Variants in MBNL2 observed in about 807,000 individuals in gnomAD.
MBNL2 encodes muscleblind like splicing regulator 2.
MBNL2 carries 17 observed loss-of-function variants against 41.9 expected under a neutral mutation model. The observed-to-expected ratio is 0.41, with a 90% confidence interval of 0.28 to 0.61. The LOEUF is 0.61. MBNL2 is among the 20% of genes least tolerant of loss of function. The pLI is 0.35. For synonymous variants in MBNL2, 195 were observed against 182.9 expected (o/e 1.07, Z -0.53); for missense variants, 336 against 505.6 (o/e 0.66, Z 3.22).
At chr13:97,189,917 T>C in the MBNL2 span, among the ~76,000 whole-genome samples, 1 of 152,242 alleles carries the variant, frequency 6.6e-6, no homozygotes, top group African/African-American at 2.4e-5. Flanking sequence ...ACCTGCTACC[T>C]AGTGCTTTTT....
intron 8 of MBNL2, among the ~76,000 whole-genome samples, chr13:97,384,072 G>T (rs2065727877): frequency 6.6e-6 from 1 of 151,770 alleles, no homozygotes. Context: ...ACTAATTTTT[G>T]TATTTTTAGT....
intron 2 of MBNL2, among the ~76,000 whole-genome samples, chr13:97,294,953 A>G (rs1020602385): frequency 6.6e-6 from 1 of 152,220 alleles, no homozygotes; most frequent in Non-Finnish European, 1.5e-5. Flanking sequence ...AACTATAAAC[A>G]AAACAACAAC....
At chr13:97,347,960 A>C (rs1301174215) in intron 5 of MBNL2, among the ~76,000 whole-genome samples, 2 of 152,154 alleles carry the variant, frequency 1.3e-5, no homozygotes, top group Admixed American at 6.5e-5. Flanking sequence ...GACATTGCTT[A>C]TCAAACTTGG....
At chr13:97,331,947 G>A (rs1353148731) in intron 2 of MBNL2, among the ~76,000 whole-genome samples, 1 of 152,170 alleles carries the variant, frequency 6.6e-6, no homozygotes. Flanking sequence ...TAAGAAAATT[G>A]TATTTTTCCA....
chr13:97,206,261 G>C, the MBNL2 span, among the ~76,000 whole-genome samples: 2 of 151,632 alleles, frequency 1.3e-5, no homozygotes, highest in African/African-American at 4.8e-5. Context: ...TCTTTTTTCT[G>C]TTTCCATGCC....
intron 3 of MBNL2, among the ~76,000 whole-genome samples, chr13:97,342,581 T>A (rs985262158): frequency 6.6e-6 from 1 of 152,200 alleles, no homozygotes; most frequent in African/African-American, 2.4e-5. Flanking sequence ...TGCATAGACT[T>A]GGCCAACTTG....
intron 7 of MBNL2, among the ~76,000 whole-genome samples, chr13:97,363,418 C>CTGTGTGTGTGTGTGTG (rs55745808): frequency 3.7e-5 from 5 of 136,734 alleles, no homozygotes; most frequent in East Asian, 2.4e-4. Context: ...GAAAGAAAAA[C>CTGTGTGTGTGTGTGTG]TGTGTGTGTG....
chr13:97,269,148 C>T lies in MBNL2; in HGVS notation c.-604-6484C>T, dbSNP rs542784099. ...TCCCAAACATTGCCTAGGTTCTGCA[C>T]TGGAAGGAGCTAATTAGGGTAGGAT... On this transcript the variant is annotated intron_variant, in intron 1 of 8. Coordinates refer to ENST00000679496, the MANE Select transcript of MBNL2 (RefSeq NM_001382683.1). Among the ~76,000 whole-genome samples the T allele has an allele frequency of 2.0e-5, 3 of 152,180 alleles. 1 individual carries two copies. The South Asian group carries it at 6.2e-4, about 32-fold the overall frequency.
intron 2 of MBNL2, among the ~76,000 whole-genome samples, chr13:97,312,096 G>A (rs938560454): frequency 2.6e-5 from 4 of 152,098 alleles, no homozygotes; most frequent in African/African-American, 9.7e-5. Context: ...GAACATTCTG[G>A]AAACGATCCA....
At chr13:97,203,485 G>A in the MBNL2 span, among the ~76,000 whole-genome samples, 84 of 152,196 alleles carry the variant, frequency 5.5e-4, no homozygotes, top group Non-Finnish European at 1.2e-3. Flanking sequence ...TCTGTGCTCC[G>A]GGGAAAAATG....
intron 2 of MBNL2, among the ~76,000 whole-genome samples, chr13:97,277,165 A>C (rs1199948276): frequency 3.3e-5 from 5 of 152,206 alleles, no homozygotes; most frequent in Non-Finnish European, 7.3e-5. Flanking sequence ...TCTGAGTCAT[A>C]TACTGAGTTG....
chr13:97,269,560 A>G (rs945760134), intron 1 of MBNL2, among the ~76,000 whole-genome samples: 5 of 152,092 alleles, frequency 3.3e-5, no homozygotes, highest in Non-Finnish European at 7.4e-5. Flanking sequence ...GCAGGCTCCC[A>G]TTGGTGCTAC....
the MBNL2 span, among the ~76,000 whole-genome samples, chr13:97,163,721 C>T: frequency 3.3e-5 from 5 of 152,176 alleles, no homozygotes; most frequent in Admixed American, 2.6e-4. Flanking sequence ...TCCCTGCACA[C>T]ACCTGCACAC....
intron 8 of MBNL2, 86 bp downstream of exon 8, chr13:97,365,257 G>A (rs1422498674): frequency 2.2e-6 from 2 of 904,506 alleles, no homozygotes; most frequent in Non-Finnish European, 3.7e-6. Context: ...TGGTAGAAAT[G>A]CTATAGGAAA....
At chr13:97,329,691 A>C (rs1566420569) in intron 2 of MBNL2, among the ~76,000 whole-genome samples, 2 of 230 alleles carry the variant, frequency 8.7e-3, no homozygotes, top group African/African-American at 0.023. Context: ...CAACACACAC[A>C]ATACACACAC....
the MBNL2 span, among the ~76,000 whole-genome samples, chr13:97,203,127 TGCCTCTTACCAGAATTAAGGGTCTA>T: frequency 6.6e-6 from 1 of 152,156 alleles, no homozygotes; most frequent in Non-Finnish European, 1.5e-5. Flanking sequence ...TAGGGAAGTA[TGCCTCTTACCAGAATTAAGGGTCTA>T]GCACTTTATT....
Position 97,334,952 on chromosome 13 carries a change from T to C in MBNL2, c.339+512T>C, listed in dbSNP as rs1268108304. On this transcript the variant is annotated intron_variant, in intron 3 of 8. Coordinates refer to ENST00000679496, the MANE Select transcript of MBNL2 (RefSeq NM_001382683.1). The surrounding 1 kb of genome is among the most constrained non-coding windows in gnomAD (Gnocchi z 5.3). ...TAGCAGAGCGCTTTCTGCAGTGTGT[T>C]CCAGGAAGATCCTAGTAACAGCCCC... Among the ~76,000 whole-genome samples the C allele has an allele frequency of 6.6e-6, 1 of 152,160 alleles. No individual in the cohort carries two copies. Among genetic ancestry groups the C allele is most frequent in the Non-Finnish European group, 1.5e-5 (1 of 68,032 alleles).
chr13:97,361,294 T>G (rs975802468), intron 7 of MBNL2, among the ~76,000 whole-genome samples: 3 of 152,074 alleles, frequency 2.0e-5, no homozygotes, highest in Non-Finnish European at 2.9e-5. Context: ...GAAGCAAGAT[T>G]TTATCAGTGG....
the MBNL2 span, among the ~76,000 whole-genome samples, chr13:97,150,262 G>T: frequency 6.6e-6 from 1 of 152,298 alleles, no homozygotes; most frequent in African/African-American, 2.4e-5. Context: ...ATGCTGAGAT[G>T]CCTCCTCACT....
Sources: gnomAD v4.1 joint callset for allele counts (sites outside exome capture counted in the v4.1 genomes callset) on GRCh38, gnomAD v4.1.1 for gene constraint, Gnocchi (gnomAD v3.1) non-coding constraint, MANE v1.5 for transcripts, NCBI Gene and HGNC (gene_info 2026-07-23, HGNC 2026-07-21) for gene names.